The following TMEM242 variants were observed in gnomAD, a reference collection of about 807,000 sequenced individuals.
The protein encoded by TMEM242 is transmembrane protein 242.
TMEM242 carries 10 observed loss-of-function variants against 18.2 expected under a neutral mutation model. The ratio of observed to expected loss-of-function variants is 0.55; its 90% CI spans 0.34 to 0.93. The LOEUF (loss-of-function observed/expected upper bound fraction) is 0.93, where lower values mean the gene tolerates loss of function less well. Among genes scored for constraint, TMEM242 ranks in the 40% least tolerant of loss-of-function variants. The pLI, the probability that TMEM242 is intolerant of heterozygous loss-of-function variation, is 0.02. For synonymous variants in TMEM242, 57 were observed against 69.9 expected (o/e 0.81, Z 0.92); for missense variants, 186 against 175.5 (o/e 1.06, Z -0.34).
intron 2 of TMEM242, among the ~76,000 whole-genome samples, chr6:157,319,790 C>T (rs782749709): frequency 6.6e-6 from 1 of 152,178 alleles, no homozygotes; most frequent in Non-Finnish European, 1.5e-5. Flanking sequence ...GTTTAAATAG[C>T]AAGATTACTA....
chr6:157,311,357 CCTAG>C (rs1778078154), intron 3 of TMEM242, among the ~76,000 whole-genome samples: 2 of 139,328 alleles, frequency 1.4e-5, no homozygotes, highest in African/African-American at 5.3e-5. Flanking sequence ...TGTGCGCTCA[CCTAG>C]CCTCATCATA....
intron 3 of TMEM242, among the ~76,000 whole-genome samples, chr6:157,314,260 G>C (rs1020250735): frequency 6.7e-6 from 1 of 149,734 alleles, no homozygotes; most frequent in Non-Finnish European, 1.5e-5. Context: ...TAGTGTCCCA[G>C]TGTGCGCTCA....
intron 3 of TMEM242, among the ~76,000 whole-genome samples, chr6:157,312,357 G>GTGCCCCAGTGTGCAC: frequency 2.6e-5 from 1 of 38,926 alleles, no homozygotes; most frequent in South Asian, 7.9e-4. Context: ...GCCTCATCAT[G>GTGCCCCAGTGTGCAC]TCCCAGTGTG....
intron 3 of TMEM242, among the ~76,000 whole-genome samples, chr6:157,312,935 CCAGTGTGCGCTCACCCGGCCT>C: frequency 7.4e-5 from 1 of 13,438 alleles, no homozygotes; most frequent in East Asian, 1.7e-3. Context: ...TCATAGTGCC[CCAGTGTGCGCTCACCCGGCCT>C]CATCATAGTG....
intron 2 of TMEM242, among the ~76,000 whole-genome samples, 156 bp from the exon 3 acceptor site, chr6:157,319,075 A>C (rs1554250579): frequency 6.6e-6 from 1 of 152,242 alleles, no homozygotes; most frequent in Non-Finnish European, 1.5e-5. Flanking sequence ...TAATAATTGC[A>C]TGCCTTCTCT....
At chr6:157,308,846 T>C (rs1777952174) in intron 3 of TMEM242, among the ~76,000 whole-genome samples, 2 of 152,370 alleles carry the variant, frequency 1.3e-5, no homozygotes, top group African/African-American at 2.4e-5. Flanking sequence ...GAAACTTTTA[T>C]GCATTTTGTA....
rs1388433593 is a variant in TMEM242 at position 157,290,273 on chromosome 6, G to A, written c.*2628C>T. The A allele has an allele frequency of 6.6e-6, 1 of 152,138 alleles. No homozygotes were observed. The allele number at this position is 152,138 out of a possible 1,614,324, so 9.4% of individuals were successfully genotyped here. On this transcript the variant is annotated 3_prime_UTR_variant, in exon 4 of 4. Transcript: ENST00000400788. The stretch of plus-strand genomic sequence containing the variant: ...GTTGGCTTAGACAGGAAATGGAAAT[G>A]GCCTGCGTTATCCATCCTTTAAAGC...
intron 3 of TMEM242, among the ~76,000 whole-genome samples, chr6:157,311,603 C>A (rs797040391): frequency 0.24 from 7,117 of 30,078 alleles, 155 homozygotes; most frequent in Middle Eastern, 0.34. Flanking sequence ...CACCTAGCCT[C>A]ATCATAGTGT....
At chr6:157,308,346 T>C (rs1234160927) in intron 3 of TMEM242, among the ~76,000 whole-genome samples, 1 of 152,194 alleles carries the variant, frequency 6.6e-6, no homozygotes, top group Non-Finnish European at 1.5e-5. Flanking sequence ...GGCCCTCCAG[T>C]TGGTCATAAG....
chr6:157,319,932 G>C (rs187373496), intron 2 of TMEM242, among the ~76,000 whole-genome samples: 1 of 152,150 alleles, frequency 6.6e-6, no homozygotes, highest in Non-Finnish European at 1.5e-5. Context: ...GCTGCATAGG[G>C]TGTGAGGAGA....
intron 2 of TMEM242, 122 bp downstream of exon 2, chr6:157,322,583 C>T: frequency 4.2e-6 from 3 of 713,706 alleles, no homozygotes; most frequent in Non-Finnish European, 6.8e-6. Context: ...AATCCATGAG[C>T]GTATATAAAT....
rs1554248719 is a variant in TMEM242, at chr6:157,311,295, C to G, written c.327+7487G>C. ...GTGCCCCCGTGTGCACACACCGAGC[C>G]TCATTATAGTGTCCCAGTGTGTGTT... On this transcript the variant is annotated intron_variant, in intron 3 of 3. Transcript: ENST00000400788. 1.4e-3 allele frequency among the ~76,000 whole-genome samples: 215 copies of G among 150,796 alleles called. 2 individuals are homozygous for G. Among genetic ancestry groups the G allele is most frequent in the African/African-American group, 5.0e-3 (206 of 40,906 alleles).
chr6:157,311,015 C>CCCAGTGTCCGCTT, intron 3 of TMEM242, among the ~76,000 whole-genome samples: 3 of 680 alleles, frequency 4.4e-3, no homozygotes, highest in African/African-American at 8.8e-3. Flanking sequence ...AGTGTGCAGT[C>CCCAGTGTCCGCTT]ACCTAGCCTC....
intron 3 of TMEM242, among the ~76,000 whole-genome samples, chr6:157,306,411 G>A (rs1265311183): frequency 6.6e-6 from 1 of 152,206 alleles, no homozygotes; most frequent in Admixed American, 6.5e-5. Flanking sequence ...ATGCAGGGGT[G>A]AGACACAGTG....
chr6:157,303,906 G>A (rs1777867327), intron 3 of TMEM242, among the ~76,000 whole-genome samples: 1 of 152,090 alleles, frequency 6.6e-6, no homozygotes, highest in African/African-American at 2.4e-5. Context: ...GGGAAAACTG[G>A]AGGAAAGACA....
chr6:157,296,128 A>G (rs1039599591), intron 3 of TMEM242, among the ~76,000 whole-genome samples: 5 of 152,214 alleles, frequency 3.3e-5, no homozygotes, highest in African/African-American at 1.2e-4. Context: ...AAATTTGGTT[A>G]TAAAGTAAAT....
chr6:157,301,789 G>A (rs1777833321), intron 3 of TMEM242, among the ~76,000 whole-genome samples: 2 of 152,036 alleles, frequency 1.3e-5, no homozygotes, highest in South Asian at 4.2e-4. Flanking sequence ...AAAATTAGCC[G>A]GGTGTGGTGG....
intron 3 of TMEM242, among the ~76,000 whole-genome samples, chr6:157,310,870 T>C (rs1778018815): frequency 6.9e-6 from 1 of 145,388 alleles, no homozygotes. Flanking sequence ...AGCCTCATCA[T>C]AGTGCCCCAG....
In TMEM242 at chr6:157,322,945, A is replaced by C. The variant is rs1270478714; in HGVS notation, c.89-140T>G. On this transcript the variant is annotated intron_variant, in intron 1 of 3. Coordinates refer to ENST00000400788, the MANE Select transcript of TMEM242 (RefSeq NM_018452.6). ...TTTGAAATTCAAGAAACCATGGCTA[A>C]GCAGCTCTTGCTAACAGTAAATGAC... 2.5e-5 allele frequency: 18 copies of C among 721,488 alleles called. No individual in the cohort carries two copies. In the Middle Eastern group the frequency reaches 1.5e-3, roughly 60 times the overall value. 44.7% of individuals were successfully genotyped at this position (721,488 alleles called of 1,614,324 possible).
Sources: gnomAD v4.1 joint callset for allele counts (sites outside exome capture counted in the v4.1 genomes callset) on GRCh38, gnomAD v4.1.1 for gene constraint, MANE v1.5 for transcripts, NCBI Gene and HGNC (gene_info 2026-07-23, HGNC 2026-07-21) for gene names.